Variants in SLIT3 observed in about 807,000 individuals in gnomAD.
SLIT3 encodes the protein slit homolog 3 protein.
SLIT3 carries 68 observed loss-of-function variants against 184.0 expected under a neutral mutation model. The observed-to-expected ratio is 0.37, with a 90% CI of 0.30 to 0.45. SLIT3 has a LOEUF of 0.45. SLIT3 is among the 20% of genes least tolerant of loss of function. SLIT3 has a pLI of 1.00. For synonymous variants in SLIT3, 831 were observed against 828.6 expected (o/e 1.00, Z -0.05); for missense variants, 1,707 against 2,026.0 (o/e 0.84, Z 3.02).
intron 3 of SLIT3, among the ~76,000 whole-genome samples, chr5:169,198,098 A>G (rs1763797014): frequency 6.6e-6 from 1 of 152,178 alleles, no homozygotes; most frequent in Non-Finnish European, 1.5e-5. Context: ...CCGTCCAACC[A>G]CCATTTACCC....
Position 168,794,611 on chromosome 5 carries a change from G to C in SLIT3, c.1007+896C>G, listed in dbSNP as rs1180551776. Among the ~76,000 whole-genome samples the C allele has an allele frequency of 8.5e-5, 13 of 152,172 alleles. 1 individual carries two copies. Among genetic ancestry groups the C allele is most frequent in the Admixed American group, 7.9e-4 (12 of 15,284 alleles). ...AGTGGTGTGACTTACAGAGCTAATG[G>C]GGATGTAGGGGGTGCTCACATGTTG... On this transcript the variant is annotated intron_variant, in intron 10 of 35. Coordinates refer to ENST00000519560, the MANE Select transcript of SLIT3 (RefSeq NM_003062.4).
At chr5:169,209,795 G>T (rs76836989) in intron 3 of SLIT3, among the ~76,000 whole-genome samples, 1 of 151,992 alleles carries the variant, frequency 6.6e-6, no homozygotes, top group Non-Finnish European at 1.5e-5. Flanking sequence ...AGGATCTGTC[G>T]GGGGTAGGGG....
intron 26 of SLIT3, 66 bp downstream of exon 26, chr5:168,707,910 C>T (rs1470874733): frequency 7.5e-6 from 12 of 1,600,884 alleles, no homozygotes; most frequent in Non-Finnish European, 9.4e-6. Flanking sequence ...TGGTGCCCCT[C>T]TCTAGGGCCA....
At chr5:168,900,931 A>C (rs547544596) in intron 4 of SLIT3, among the ~76,000 whole-genome samples, 4 of 152,218 alleles carry the variant, frequency 2.6e-5, no homozygotes, top group Admixed American at 6.5e-5. Flanking sequence ...ATAGAGGAGA[A>C]TGACAATGGA....
At chr5:169,242,605 A>G (rs928825609) in intron 3 of SLIT3, among the ~76,000 whole-genome samples, 1 of 151,868 alleles carries the variant, frequency 6.6e-6, no homozygotes, top group African/African-American at 2.4e-5. Flanking sequence ...GAGAAGAAGA[A>G]GACTTTGTCC....
At chr5:168,683,015 A>G (rs1033395205) in intron 32 of SLIT3, among the ~76,000 whole-genome samples, 4 of 152,162 alleles carry the variant, frequency 2.6e-5, no homozygotes, top group East Asian at 1.9e-4. Flanking sequence ...AACATATCCA[A>G]CTAACATATC....
chr5:169,064,651 G>T (rs1758286543), intron 4 of SLIT3, among the ~76,000 whole-genome samples: 1 of 152,158 alleles, frequency 6.6e-6, no homozygotes, highest in Non-Finnish European at 1.5e-5. Context: ...GGCTTCCCGT[G>T]CCATAAGTCT....
At position 168,669,795 on chromosome 5, in the gene SLIT3, G is replaced by A; in HGVS notation, c.4324C>T (p.His1442Tyr). 6.2e-7 allele frequency: 1 copy of A among 1,613,496 alleles called. No individual in the cohort carries two copies. Among genetic ancestry groups the A allele is most frequent in the South Asian group, 1.1e-5 (1 of 91,050 alleles). The change falls in exon 35 of 36, where the codon CAC becomes TAC. Residue 1442 changes from histidine (H) to tyrosine (Y), a missense_variant. By Grantham distance (83) the His-to-Tyr change is moderately conservative (BLOSUM62 2). Around this residue, in one of 3 missense-constraint regions of SLIT3, gnomAD observed 387 missense variants for 477.9 expected, o/e 0.81. Transcript: ENST00000519560. ...ACAGTAGACCCACCTTGTTGGCAGT[G>A]CTCGCCGCTAAAGCCGGGCTGGCAC... is the stretch of plus-strand genomic sequence containing the variant. ...CLCQPGFSGE[H>Y]CQQENPCLGQ...
At chr5:169,146,083 C>T (rs1581457064) in intron 4 of SLIT3, among the ~76,000 whole-genome samples, 2 of 152,166 alleles carry the variant, frequency 1.3e-5, no homozygotes, top group South Asian at 4.1e-4. Flanking sequence ...TACTGAGATC[C>T]TATCACATGT....
rs558199905 is a variant in SLIT3, at chr5:168,666,508, C to T, written c.4518G>A (p.Ser1506=). 1.0e-4 allele frequency: 163 copies of T among 1,607,984 alleles called. No homozygotes were observed. Among genetic ancestry groups the T allele is most frequent in the Admixed American group, 7.2e-4 (43 of 59,790 alleles). Residue 1506 remains serine, a synonymous_variant, in exon 36 of 36, where the codon TCG becomes TCA. Coordinates refer to ENST00000519560, the MANE Select transcript of SLIT3 (RefSeq NM_003062.4). ...KYVFQCTDGS[S]FVEEVERHLE... is the part of the protein sequence containing the mutation. Reference sequence around the variant, plus strand: ...AGTGTCTCTCCACCTCTTCTACAAACGAGGAGCCGTCCGTGCACTGGAAGA... The same window carrying T: ...AGTGTCTCTCCACCTCTTCTACAAATGAGGAGCCGTCCGTGCACTGGAAGA...
intron 12 of SLIT3, among the ~76,000 whole-genome samples, chr5:168,776,012 G>T (rs924904602): frequency 2.6e-5 from 4 of 152,208 alleles, no homozygotes; most frequent in Admixed American, 2.6e-4. Flanking sequence ...GAAACTGGGG[G>T]AAGGGGAAAA....
At chr5:168,992,174 C>G (rs1755352385) in intron 4 of SLIT3, among the ~76,000 whole-genome samples, 1 of 152,200 alleles carries the variant, frequency 6.6e-6, no homozygotes, top group African/African-American at 2.4e-5. Flanking sequence ...GAAGCTGCCC[C>G]TGGCAGAAAA....
chr5:168,666,857 C>A, intron 35 of SLIT3, 168 bp from the exon 36 acceptor site: 1 of 1,126,838 alleles, frequency 8.9e-7, no homozygotes, highest in Non-Finnish European at 1.3e-6. Flanking sequence ...ATTTTACAAA[C>A]AGGTGCCTTT....
At chr5:169,207,045 C>T (rs1433592157) in intron 3 of SLIT3, among the ~76,000 whole-genome samples, 5 of 140,840 alleles carry the variant, frequency 3.6e-5, no homozygotes. Context: ...TTTCCTTATT[C>T]TTTTTTTTTT....
intron 4 of SLIT3, among the ~76,000 whole-genome samples, chr5:169,136,504 C>A (rs1260428721): frequency 6.6e-6 from 1 of 152,138 alleles, no homozygotes; most frequent in East Asian, 1.9e-4. Context: ...GTGAACGGTC[C>A]CTTGACCAAC....
chr5:168,936,869 T>G (rs553720373), intron 4 of SLIT3, among the ~76,000 whole-genome samples: 1 of 152,206 alleles, frequency 6.6e-6, no homozygotes, highest in Admixed American at 6.5e-5. Context: ...GGGGCTACTG[T>G]GGTAAAAATT....
At chr5:168,919,185 G>A (rs576499618) in intron 4 of SLIT3, among the ~76,000 whole-genome samples, 4 of 151,724 alleles carry the variant, frequency 2.6e-5, no homozygotes, top group East Asian at 1.9e-4. Flanking sequence ...GCGTGAACCC[G>A]GGAGGCGGAG....
intron 6 of SLIT3, among the ~76,000 whole-genome samples, chr5:168,839,656 G>T (rs1182811871): frequency 6.6e-6 from 1 of 152,206 alleles, no homozygotes. Flanking sequence ...TTTAAAGAGA[G>T]CTAAGAGCCG....
At chr5:169,066,089 A>C (rs1186568068) in intron 4 of SLIT3, among the ~76,000 whole-genome samples, 4 of 152,200 alleles carry the variant, frequency 2.6e-5, no homozygotes, top group Non-Finnish European at 5.9e-5. Context: ...CCAGGACTCA[A>C]ACACAGTCTA....
Sources: allele counts gnomAD v4.1 joint callset (sites outside exome capture counted in the v4.1 genomes callset), GRCh38; gene constraint gnomAD v4.1.1; regional missense constraint gnomAD v4.1.1; transcripts MANE v1.5; gene names NCBI Gene and HGNC (gene_info 2026-07-23, HGNC 2026-07-21).